KCNAB1: variants seen among roughly 807,000 people sequenced by gnomAD.
KCNAB1 encodes the protein potassium voltage-gated channel subfamily A regulatory beta subunit 1.
Under a neutral mutation model 64.6 loss-of-function variants are expected in KCNAB1, and 35 were observed. The ratio of observed to expected loss-of-function variants is 0.54; its 90% CI spans 0.41 to 0.72. The LOEUF is 0.72. KCNAB1 is among the 30% of genes least tolerant of loss of function. The probability of loss-of-function intolerance (pLI) is 0.00; values close to 1 mark genes in which losing one functional copy is unlikely to be tolerated. For missense variants in KCNAB1, 401 were observed against 512.9 expected, an observed-to-expected ratio of 0.78 and a Z score of 2.11; for synonymous variants, 177 against 183.8, an observed-to-expected ratio of 0.96 and a Z score of 0.30.
At chr3:156,464,711 CAGAA>C (rs1039168839) in intron 6 of KCNAB1, among the ~76,000 whole-genome samples, 2 of 151,944 alleles carry the variant, frequency 1.3e-5, no homozygotes, top group Non-Finnish European at 2.9e-5. Flanking sequence ...GATATGAAGA[CAGAA>C]AGATGGAATT....
intron 1 of KCNAB1, among the ~76,000 whole-genome samples, chr3:156,402,421 G>A (rs1008363510): frequency 6.6e-6 from 1 of 152,136 alleles, no homozygotes; most frequent in African/African-American, 2.4e-5. Flanking sequence ...CATCGAAAAT[G>A]TCTTAGGGAA....
chr3:156,342,609 A>ATTTTTTTTT (rs59689669), intron 1 of KCNAB1, among the ~76,000 whole-genome samples: 26 of 104,670 alleles, frequency 2.5e-4, no homozygotes, highest in East Asian at 2.9e-4. Flanking sequence ...TTTTTTTTTA[A>ATTTTTTTTT]TTTTTTTTTT....
intron 2 of KCNAB1, among the ~76,000 whole-genome samples, chr3:156,430,756 C>A (rs1419698565): frequency 6.6e-6 from 1 of 152,206 alleles, no homozygotes; most frequent in Non-Finnish European, 1.5e-5. Flanking sequence ...TCACCCACAT[C>A]TCTTCATGTC....
At chr3:156,331,505 T>C (rs1723327887) in intron 1 of KCNAB1, among the ~76,000 whole-genome samples, 1 of 152,220 alleles carries the variant, frequency 6.6e-6, no homozygotes. Flanking sequence ...CTTTCATTTC[T>C]TCTTAAGAGA....
intron 1 of KCNAB1, among the ~76,000 whole-genome samples, chr3:156,350,238 G>A (rs1051989319): frequency 6.6e-6 from 1 of 152,142 alleles, no homozygotes; most frequent in Non-Finnish European, 1.5e-5. Context: ...GAGATAAAAA[G>A]CTGAGTTGAT....
At chr3:156,444,050 G>C (rs573684671) in intron 2 of KCNAB1, among the ~76,000 whole-genome samples, 5 of 152,188 alleles carry the variant, frequency 3.3e-5, no homozygotes, top group Non-Finnish European at 7.3e-5. Flanking sequence ...ATGCTCATTA[G>C]CAACAGGCTA....
At chr3:156,517,504 A>G (rs1316622847) in intron 11 of KCNAB1, among the ~76,000 whole-genome samples, 1 of 152,254 alleles carries the variant, frequency 6.6e-6, no homozygotes, top group Non-Finnish European at 1.5e-5. Flanking sequence ...ACAAGTCTAA[A>G]CAAGTCAGCA....
chr3:156,176,013 G>T (rs1268723834), intron 1 of KCNAB1: 5 of 843,426 alleles, frequency 5.9e-6, no homozygotes, highest in South Asian at 3.9e-5. Context: ...TGTCGGCTGT[G>T]CCAGGTGCTA....
chr3:156,199,740 G>A (rs1315337497), intron 1 of KCNAB1, among the ~76,000 whole-genome samples: 3 of 152,128 alleles, frequency 2.0e-5, no homozygotes, highest in African/African-American at 7.2e-5. Flanking sequence ...AAAGTTCTTA[G>A]CTTCCTTGTA....
At chr3:156,474,601 AT>A in intron 7 of KCNAB1, 132 bp from the exon 8 acceptor site, 1 of 610,468 alleles carries the variant, frequency 1.6e-6, no homozygotes, top group Non-Finnish European at 3.0e-6. Flanking sequence ...ATTAACAATC[AT>A]TGTATTCAAC....
chr3:156,432,746 T>C (rs1390617792), intron 2 of KCNAB1, among the ~76,000 whole-genome samples: 1 of 152,166 alleles, frequency 6.6e-6, no homozygotes, highest in Admixed American at 6.5e-5. Flanking sequence ...TAGCCTTTCC[T>C]TTGGCCCTTG....
At chr3:156,238,277 CTGGCCATGGTGG>C (rs1716961072) in intron 1 of KCNAB1, among the ~76,000 whole-genome samples, 1 of 152,072 alleles carries the variant, frequency 6.6e-6, no homozygotes, top group South Asian at 2.1e-4. Flanking sequence ...AAAAAATTAG[CTGGCCATGGTGG>C]TGGGCGCCTG....
chr3:156,399,618 T>C (rs934871462), intron 1 of KCNAB1, among the ~76,000 whole-genome samples: 2 of 152,110 alleles, frequency 1.3e-5, no homozygotes, highest in Non-Finnish European at 2.9e-5. Context: ...AGATCAGAGC[T>C]GCCCGGAAGA....
chr3:156,166,818 A>G (rs925844791), intron 1 of KCNAB1, among the ~76,000 whole-genome samples: 1 of 152,166 alleles, frequency 6.6e-6, no homozygotes, highest in African/African-American at 2.4e-5. Flanking sequence ...CCATTTAAGC[A>G]TCTCCCCTTC....
rs554232434 is a variant in KCNAB1, at chr3:156,397,340, A to G, written c.276-24276A>G. Among the ~76,000 whole-genome samples, 372 of 152,350 alleles carry G rather than the reference A, an allele frequency of 2.4e-3. 2 individuals carry two copies. Among genetic ancestry groups the G allele is most frequent in the Non-Finnish European group, 3.5e-3 (235 of 68,034 alleles). On this transcript the variant is annotated intron_variant, in intron 1 of 13. Coordinates refer to ENST00000490337, the MANE Select transcript of KCNAB1 (RefSeq NM_172160.3). ...AAAGAAATTGGCCCAAGTTCTCTGT[A>G]GAAAGAGCATTACTGTGAGTACCTG...
intron 4 of KCNAB1, among the ~76,000 whole-genome samples, chr3:156,458,945 C>T (rs3772265): frequency 0.23 from 34,891 of 152,148 alleles, 4,896 homozygotes; most frequent in South Asian, 0.35. Context: ...ATGCTTGTCT[C>T]TTTGGGGCAT....
intron 1 of KCNAB1, among the ~76,000 whole-genome samples, chr3:156,129,443 T>TA (rs1205520215): frequency 6.6e-6 from 1 of 152,216 alleles, no homozygotes; most frequent in African/African-American, 2.4e-5. Flanking sequence ...ATTAGCCAGT[T>TA]AGAGATGTTG....
chr3:156,143,584 T>TGGG (rs1227686089), intron 1 of KCNAB1, among the ~76,000 whole-genome samples: 2 of 145,900 alleles, frequency 1.4e-5, no homozygotes, highest in African/African-American at 5.0e-5. Context: ...TTTTTTTTTT[T>TGGG]TTTTTTTTTT....
At chr3:156,174,810 A>G (rs1712242024) in intron 1 of KCNAB1, among the ~76,000 whole-genome samples, 1 of 152,218 alleles carries the variant, frequency 6.6e-6, no homozygotes. Context: ...AAAAGGTACC[A>G]GGAAGACTGG....
Sources: allele counts gnomAD v4.1 joint callset (sites outside exome capture counted in the v4.1 genomes callset), GRCh38; gene constraint gnomAD v4.1.1; transcripts MANE v1.5; gene names NCBI Gene and HGNC (gene_info 2026-07-23, HGNC 2026-07-21).